The following PTPN4 variants were observed in gnomAD, a reference collection of about 807,000 sequenced individuals.
PTPN4 encodes protein tyrosine phosphatase non-receptor type 4.
In PTPN4, 49 loss-of-function variants were observed where a neutral mutation model predicts 135.5. That is an observed-to-expected ratio of 0.36 (90% CI 0.29 to 0.46). The LOEUF is 0.46. Ranked by LOEUF, PTPN4 falls within the 20% of genes least tolerant of loss-of-function variation. PTPN4 has a pLI of 1.00. For missense variants in PTPN4, 860 were observed against 1,101.0 expected, an observed-to-expected ratio of 0.78 and a Z score of 3.10; for synonymous variants, 333 against 369.9, an observed-to-expected ratio of 0.90 and a Z score of 1.14.
At chr2:119,976,952 A>G in intron 26 of PTPN4, 32 bp from the exon 27 acceptor site, 2 of 1,586,502 alleles carry the variant, frequency 1.3e-6, no homozygotes, top group Non-Finnish European at 1.7e-6. Flanking sequence ...GACTTTTCTG[A>G]TCAGTTCTGT....
chr2:119,944,337 G>A (rs1679103788), intron 15 of PTPN4, among the ~76,000 whole-genome samples: 1 of 152,150 alleles, frequency 6.6e-6, no homozygotes, highest in Non-Finnish European at 1.5e-5. Flanking sequence ...TAAGACACAA[G>A]TTGAACCACA....
chr2:119,937,969 A>C (rs935859000), intron 15 of PTPN4, among the ~76,000 whole-genome samples: 1 of 151,998 alleles, frequency 6.6e-6, no homozygotes, highest in African/African-American at 2.4e-5. Flanking sequence ...AAAAAAAAAA[A>C]AGGTCAGAGT....
At chr2:119,807,158 A>G (rs978929616) in intron 1 of PTPN4, among the ~76,000 whole-genome samples, 1 of 152,210 alleles carries the variant, frequency 6.6e-6, no homozygotes, top group African/African-American at 2.4e-5. Flanking sequence ...TAACATTACA[A>G]TGAAAAGAAC....
intron 1 of PTPN4, among the ~76,000 whole-genome samples, chr2:119,799,584 T>G (rs1691325065): frequency 6.6e-6 from 1 of 152,174 alleles, no homozygotes; most frequent in South Asian, 2.1e-4. Context: ...CTCAGCAAAT[T>G]TGAAATAATT....
chr2:119,935,092 A>T (rs1574411675), intron 15 of PTPN4, 134 bp downstream of exon 15: 6 of 1,032,630 alleles, frequency 5.8e-6, no homozygotes, highest in South Asian at 5.0e-5. Context: ...TATGTTTGCA[A>T]TTATGCTCAT....
chr2:119,891,973 T>A (rs1394168663), intron 9 of PTPN4, among the ~76,000 whole-genome samples: 1 of 152,158 alleles, frequency 6.6e-6, no homozygotes, highest in Non-Finnish European at 1.5e-5. Flanking sequence ...TTGGGTTGAG[T>A]AGGGTACATA....
chr2:119,846,116 T>C (rs953788862), intron 2 of PTPN4, among the ~76,000 whole-genome samples: 9 of 152,224 alleles, frequency 5.9e-5, no homozygotes, highest in African/African-American at 1.7e-4. Flanking sequence ...CCATATGGTT[T>C]ATTGTGGAGA....
In PTPN4 at chr2:119,955,232, A is replaced by G; in HGVS notation, c.1889A>G (p.Asp630Gly). Residue 630 changes from aspartate to glycine, a missense_variant, in exon 20 of 27, where the codon GAT becomes GGT. Physicochemically the swap from Asp to Gly is moderately conservative, Grantham distance 94. Around this residue, in one of 2 missense-constraint regions of PTPN4, gnomAD observed 684 missense variants for 807.0 expected, o/e 0.85. Coordinates refer to ENST00000263708, the MANE Select transcript of PTPN4 (RefSeq NM_002830.4). ...FQYIPEKAPL[D>G]SVHQDDHSLR... ...TATATTCCTGAGAAAGCCCCACTAGATAGTGTGCATCAGGATGACCATTCC... is the reference window on the plus strand; with the variant it reads ...TATATTCCTGAGAAAGCCCCACTAGGTAGTGTGCATCAGGATGACCATTCC... The G allele has an allele frequency of 1.9e-6, 3 of 1,613,654 alleles. No individual in the cohort carries two copies. Among genetic ancestry groups the G allele is most frequent in the Non-Finnish European group, 2.5e-6 (3 of 1,179,810 alleles).
intron 15 of PTPN4, among the ~76,000 whole-genome samples, chr2:119,943,964 C>A (rs1364873621): frequency 6.6e-6 from 1 of 152,078 alleles, no homozygotes; most frequent in Non-Finnish European, 1.5e-5. Context: ...TTGGCCAAAG[C>A]AAGTCACATG....
At chr2:119,958,029 T>C (rs1371370424) in intron 22 of PTPN4, among the ~76,000 whole-genome samples, 2 of 152,114 alleles carry the variant, frequency 1.3e-5, no homozygotes, top group African/African-American at 2.4e-5. Context: ...TTGGTATGCT[T>C]AAAAACTACT....
Position 119,955,138 on chromosome 2 carries a change from TTTGA to T in PTPN4, c.1814-16_1814-13del. The T allele has an allele frequency of 6.4e-7, 1 of 1,573,994 alleles. No homozygotes were observed. The highest frequency in any genetic ancestry group is 8.6e-7 in the Non-Finnish European group (1 of 1,164,786). On this transcript the variant is annotated splice_polypyrimidine_tract_variant and intron_variant, in intron 19 of 26. Transcript: ENST00000263708. ...TAAGATTTCCACGTTTTGGGGTTTG[TTTGA>T]TTTTTTTTTTTTAGCTGTATATGAT...
rs1196445121 is a variant in PTPN4, at chr2:119,983,670, G to T, written c.*6600G>T. 1 of 152,108 alleles carries T rather than the reference G, an allele frequency of 6.6e-6. No homozygotes were observed. Among genetic ancestry groups the T allele is most frequent in the Non-Finnish European group, 1.5e-5 (1 of 68,008 alleles). The allele number at this position is 152,108 out of a possible 1,614,324, so 9.4% of individuals were successfully genotyped here. A position where few individuals can be genotyped will look rare whatever the true frequency, so the allele number is the denominator to read the frequency against. On this transcript the variant is annotated 3_prime_UTR_variant, in exon 27 of 27. Transcript: ENST00000263708. ...CGTGGGAAAATTTTAATTAGTGTTG[G>T]AGGTCATTAGATTGGACCCAGGTTT...
chr2:119,872,391 G>A (rs1677925841), intron 3 of PTPN4, among the ~76,000 whole-genome samples: 1 of 152,048 alleles, frequency 6.6e-6, no homozygotes, highest in Non-Finnish European at 1.5e-5. Flanking sequence ...GTAATGGCAG[G>A]TATTACAGCT....
At chr2:119,942,198 G>A (rs1679070494) in intron 15 of PTPN4, among the ~76,000 whole-genome samples, 1 of 152,134 alleles carries the variant, frequency 6.6e-6, no homozygotes, top group African/African-American at 2.4e-5. Context: ...GGTGTTTCTT[G>A]TAACCCCAGA....
chr2:119,766,449 C>CGCGCGT lies in PTPN4; in HGVS notation c.-18+6066_-18+6067insCGCGTG, dbSNP rs1209819421. 3.3e-4 allele frequency among the ~76,000 whole-genome samples: 43 copies of CGCGCGT among 131,064 alleles called. No homozygotes were observed. In the South Asian group the frequency reaches 4.0e-3, roughly 12 times the overall value. 86.0% of individuals were successfully genotyped at this position (131,064 alleles called of 152,430 possible). A position where few individuals can be genotyped will look rare whatever the true frequency, so the allele number is the denominator to read the frequency against. On this transcript the variant is annotated intron_variant, in intron 1 of 26. Transcript: ENST00000263708. Reference sequence around the variant, plus strand: ...TCACTGGTGTATGCGCATGTGCGCGCGTGTGTGTGTGTGTGTGTGTGTGTG... The same window carrying CGCGCGT: ...TCACTGGTGTATGCGCATGTGCGCGCGCGCGTGTGTGTGTGTGTGTGTGTGTGTGTG...
chr2:119,936,788 GCTT>G (rs550286951), intron 15 of PTPN4, among the ~76,000 whole-genome samples: 46 of 152,096 alleles, frequency 3.0e-4, no homozygotes, highest in Non-Finnish European at 6.0e-4. Context: ...AAGAGTTTTT[GCTT>G]CTTCTCTCTT....
intron 9 of PTPN4, among the ~76,000 whole-genome samples, chr2:119,895,108 A>G (rs1283788936): frequency 6.6e-6 from 1 of 152,178 alleles, no homozygotes; most frequent in African/African-American, 2.4e-5. Context: ...ATCTCTGAGA[A>G]TGAGGGAAGG....
At chr2:119,838,947 C>T (rs931577689) in intron 2 of PTPN4, among the ~76,000 whole-genome samples, 2 of 152,134 alleles carry the variant, frequency 1.3e-5, no homozygotes, top group Admixed American at 6.5e-5. Flanking sequence ...ATTTATCTCT[C>T]TTTCTTACAG....
rs140399571 is a variant in PTPN4, at chr2:119,921,408, A to G, written c.1001+1167A>G. On this transcript the variant is annotated intron_variant, in intron 12 of 26. Transcript: ENST00000263708. Reference sequence around the variant, plus strand: ...GAAAAGATTTAAATTGTAAACCTAAACATGTATAATTGCCTAATTTGTAAT... The same window carrying G: ...GAAAAGATTTAAATTGTAAACCTAAGCATGTATAATTGCCTAATTTGTAAT... Among the ~76,000 whole-genome samples the G allele has an allele frequency of 1.2e-3, 177 of 152,324 alleles. 1 individual carries two copies. The highest frequency in any genetic ancestry group is 4.1e-3 in the African/African-American group (171 of 41,572).
Sources: gnomAD v4.1 joint callset for allele counts (sites outside exome capture counted in the v4.1 genomes callset) on GRCh38, gnomAD v4.1.1 for gene constraint, gnomAD v4.1.1 regional missense constraint, MANE v1.5 for transcripts, NCBI Gene and HGNC (gene_info 2026-07-23, HGNC 2026-07-21) for gene names.